CACNA1D: variants seen among roughly 807,000 people sequenced by gnomAD.
The protein encoded by CACNA1D is voltage-dependent L-type calcium channel subunit alpha-1D.
CACNA1D carries 55 observed loss-of-function variants against 257.1 expected under a neutral mutation model. The ratio of observed to expected loss-of-function variants is 0.21; its 90% CI spans 0.17 to 0.27. The LOEUF (loss-of-function observed/expected upper bound fraction) is 0.27, where lower values mean the gene tolerates loss of function less well. Among genes scored for constraint, CACNA1D ranks in the 10% least tolerant of loss-of-function variants. The probability of loss-of-function intolerance (pLI) is 1.00; values close to 1 mark genes in which losing one functional copy is unlikely to be tolerated. For synonymous variants in CACNA1D, 980 were observed against 1,014.9 expected (o/e 0.97, Z 0.65); for missense variants, 1,876 against 2,784.0 (o/e 0.67, Z 7.34).
chr3:53,700,473 G>A (rs1017952222), intron 8 of CACNA1D, among the ~76,000 whole-genome samples: 10 of 152,198 alleles, frequency 6.6e-5, no homozygotes, highest in Non-Finnish European at 1.5e-5. Context: ...GGATTGAGTT[G>A]TGATTTTTTC....
chr3:53,720,555 A>G (rs2094871947), intron 11 of CACNA1D, among the ~76,000 whole-genome samples: 1 of 152,256 alleles, frequency 6.6e-6, no homozygotes, highest in Non-Finnish European at 1.5e-5. Flanking sequence ...CATAAAGGAG[A>G]GTGTCAATAA....
chr3:53,766,522 T>C (rs1420248150), intron 30 of CACNA1D, among the ~76,000 whole-genome samples: 1 of 152,208 alleles, frequency 6.6e-6, no homozygotes, highest in Non-Finnish European at 1.5e-5. Flanking sequence ...CAGATAGAAA[T>C]TAAAACAGAA....
At chr3:53,710,373 A>G (rs938407294) in intron 9 of CACNA1D, 3 of 455,664 alleles carry the variant, frequency 6.6e-6, no homozygotes, top group Non-Finnish European at 8.8e-6. Flanking sequence ...TCATAATGAA[A>G]TTGCCTGTGT....
intron 3 of CACNA1D, among the ~76,000 whole-genome samples, chr3:53,641,491 A>G (rs1268875903): frequency 6.6e-6 from 1 of 152,146 alleles, no homozygotes; most frequent in Admixed American, 6.5e-5. Flanking sequence ...GCAGATAACC[A>G]GTGAGTGGTG....
chr3:53,769,317 A>G (rs2095353345), intron 30 of CACNA1D, among the ~76,000 whole-genome samples: 1 of 152,162 alleles, frequency 6.6e-6, no homozygotes, highest in Non-Finnish European at 1.5e-5. Context: ...GTTTCTTCCA[A>G]AGACTCATAC....
At position 53,762,093 on chromosome 3, in the gene CACNA1D, C is replaced by T. The variant is rs1259392921; in HGVS notation, c.3870+12C>T. 1 of 1,571,594 alleles carries T rather than the reference C, an allele frequency of 6.4e-7. No homozygotes were observed. The highest frequency in any genetic ancestry group is 1.3e-5 in the African/African-American group (1 of 74,222). ...TCAGCGAAGCAGACGTGAGTATGCA[C>T]CTGGCGTGGCCGCCACCTGTGTCCT... On this transcript the variant is annotated intron_variant, in intron 30 of 47. Transcript: ENST00000350061.
At chr3:53,711,766 A>C (rs1392588988) in intron 9 of CACNA1D, among the ~76,000 whole-genome samples, 7 of 152,256 alleles carry the variant, frequency 4.6e-5, no homozygotes, top group Admixed American at 2.0e-4. Flanking sequence ...AGGTCTCATC[A>C]GAAGGCCTAA....
chr3:53,571,352 A>G (rs553822834), intron 3 of CACNA1D, among the ~76,000 whole-genome samples: 98 of 152,320 alleles, frequency 6.4e-4, no homozygotes, highest in Non-Finnish European at 6.3e-4. Flanking sequence ...AACGATTCAC[A>G]AACACTTTTC....
chr3:53,771,312 G>A (rs994730638), intron 32 of CACNA1D, among the ~76,000 whole-genome samples: 11 of 152,168 alleles, frequency 7.2e-5, no homozygotes, highest in African/African-American at 2.7e-4. Flanking sequence ...TAAATTATTT[G>A]ACTATTTTTC....
At chr3:53,623,150 A>G (rs1186525182) in intron 3 of CACNA1D, among the ~76,000 whole-genome samples, 1 of 152,204 alleles carries the variant, frequency 6.6e-6, no homozygotes, top group Non-Finnish European at 1.5e-5. Context: ...GGCCTTCCGA[A>G]GTGCTGGGAT....
At chr3:53,522,180 C>T (rs1006215275) in intron 3 of CACNA1D, among the ~76,000 whole-genome samples, 8 of 152,080 alleles carry the variant, frequency 5.3e-5, no homozygotes, top group South Asian at 2.1e-4. Context: ...ATATGGCCAC[C>T]GTATTAGACG....
chr3:53,572,745 G>A (rs1408695818), intron 3 of CACNA1D, among the ~76,000 whole-genome samples: 1 of 152,092 alleles, frequency 6.6e-6, no homozygotes, highest in African/African-American at 2.4e-5. Context: ...CTTTGTCTCT[G>A]CTACCACCTC....
At chr3:53,672,033 A>G (rs1241814763) in intron 7 of CACNA1D, among the ~76,000 whole-genome samples, 1 of 152,188 alleles carries the variant, frequency 6.6e-6, no homozygotes, top group Non-Finnish European at 1.5e-5. Flanking sequence ...TGAATTTAAC[A>G]TTGACCTGTG....
intron 37 of CACNA1D, among the ~76,000 whole-genome samples, chr3:53,778,810 A>G (rs912909315): frequency 2.0e-5 from 3 of 152,230 alleles, no homozygotes; most frequent in African/African-American, 7.2e-5. Context: ...GCTCTGAAAG[A>G]CCAAAGCCTG....
chr3:53,609,190 C>G (rs2093551874), intron 3 of CACNA1D, among the ~76,000 whole-genome samples: 2 of 152,142 alleles, frequency 1.3e-5, no homozygotes, highest in African/African-American at 2.4e-5. Flanking sequence ...GCAGGCAGAT[C>G]ATGAGGTCAG....
intron 3 of CACNA1D, among the ~76,000 whole-genome samples, chr3:53,623,183 C>T (rs935102090): frequency 5.3e-5 from 8 of 152,144 alleles, no homozygotes; most frequent in African/African-American, 1.2e-4. Flanking sequence ...CCACCGCGCC[C>T]GGCCGAAAGA....
intron 3 of CACNA1D, among the ~76,000 whole-genome samples, chr3:53,549,552 G>A (rs1482436665): frequency 6.6e-6 from 1 of 152,166 alleles, no homozygotes; most frequent in African/African-American, 2.4e-5. Context: ...GGACATTCTA[G>A]AAGATTCCAT....
chr3:53,718,677 A>T lies in CACNA1D; in HGVS notation c.1478+289A>T, dbSNP rs750265572. 1.9e-6 allele frequency: 3 copies of T among 1,538,800 alleles called. No homozygotes were observed. In the Admixed American group the frequency reaches 6.1e-5, roughly 31 times the overall value. ...GTTAACCTGGCCACCTGCTGTGTCCATTAGGTGCTGGTGGAGACGGAGAGG... is the reference window on the plus strand; with the variant it reads ...GTTAACCTGGCCACCTGCTGTGTCCTTTAGGTGCTGGTGGAGACGGAGAGG... On this transcript the variant is annotated intron_variant, in intron 10 of 47. Transcript: ENST00000350061.
intron 9 of CACNA1D, 96 bp downstream of exon 9, chr3:53,702,906 G>GCC: frequency 1.5e-6 from 2 of 1,338,844 alleles, no homozygotes; most frequent in Non-Finnish European, 2.1e-6. Context: ...CAGGCTGTGA[G>GCC]TGGGACAGCC....
Sources: gnomAD v4.1 joint callset for allele counts (sites outside exome capture counted in the v4.1 genomes callset) on GRCh38, gnomAD v4.1.1 for gene constraint, MANE v1.5 for transcripts, NCBI Gene and HGNC (gene_info 2026-07-23, HGNC 2026-07-21) for gene names.